The following KDM4C variants were observed in gnomAD, a reference collection of about 807,000 sequenced individuals.
The protein encoded by KDM4C is lysine demethylase 4C.
Under a neutral mutation model 129.3 loss-of-function variants are expected in KDM4C, and 81 were observed. That is an observed-to-expected ratio of 0.63 (90% CI 0.52 to 0.75). The LOEUF is 0.75. Among genes scored for constraint, KDM4C ranks in the 30% least tolerant of loss-of-function variants. The pLI, the probability that KDM4C is intolerant of heterozygous loss-of-function variation, is 0.00. For synonymous variants in KDM4C, 573 were observed against 456.1 expected, an observed-to-expected ratio of 1.26 and a Z score of -3.26; for missense variants, 1,457 against 1,304.0, an observed-to-expected ratio of 1.12 and a Z score of -1.81.
At chr9:6,825,127 C>G (rs1043035635) in intron 4 of KDM4C, among the ~76,000 whole-genome samples, 2 of 134,810 alleles carry the variant, frequency 1.5e-5, no homozygotes, top group Non-Finnish European at 3.1e-5. Flanking sequence ...GCCTGGGCAA[C>G]CAGAGTGAAA....
intron 3 of KDM4C, among the ~76,000 whole-genome samples, chr9:6,807,765 G>C (rs1460334924): frequency 7.7e-6 from 1 of 130,428 alleles, no homozygotes; most frequent in African/African-American, 2.7e-5. Flanking sequence ...TCTCCGCCCG[G>C]CAGCCACCCC....
chr9:6,837,298 T>C (rs1383584746), intron 4 of KDM4C, among the ~76,000 whole-genome samples: 1 of 152,208 alleles, frequency 6.6e-6, no homozygotes, highest in Non-Finnish European at 1.5e-5. Context: ...ACTCAAGTGA[T>C]CGCCTGCCTC....
rs536449145 is a variant in KDM4C, at chr9:6,968,346, T to C, written c.922-12579T>C. Among the ~76,000 whole-genome samples, 4 of 152,264 alleles carry C rather than the reference T, an allele frequency of 2.6e-5. No individual in the cohort carries two copies. In the East Asian group the frequency reaches 5.8e-4, roughly 22 times the overall value. On this transcript the variant is annotated intron_variant, in intron 8 of 21. Transcript: ENST00000381309. ...ATTTTTAATAAATGAAGAAATGCCA[T>C]CAATTACTTGCCATTGAGGAAAGGA...
intron 8 of KDM4C, among the ~76,000 whole-genome samples, chr9:6,936,922 G>C (rs1316714421): frequency 6.6e-6 from 1 of 152,194 alleles, no homozygotes; most frequent in Non-Finnish European, 1.5e-5. Context: ...ACTTAGCATT[G>C]AGAAAATATT....
intron 5 of KDM4C, among the ~76,000 whole-genome samples, chr9:6,860,204 GC>G (rs1795826576): frequency 6.6e-6 from 1 of 152,130 alleles, no homozygotes; most frequent in Non-Finnish European, 1.5e-5. Flanking sequence ...GGATGGGGGG[GC>G]GTTTGGAGGT....
chr9:6,867,823 C>T (rs1033981125), intron 5 of KDM4C, among the ~76,000 whole-genome samples: 2 of 152,140 alleles, frequency 1.3e-5, no homozygotes. Context: ...AAGCTTTTAG[C>T]CCCTCCCCTG....
intron 12 of KDM4C, among the ~76,000 whole-genome samples, chr9:6,994,352 G>A (rs148412638): frequency 5.3e-5 from 8 of 152,194 alleles, no homozygotes; most frequent in Admixed American, 2.0e-4. Flanking sequence ...TGCCCAGGCT[G>A]TTACATTATG....
intron 1 of KDM4C, among the ~76,000 whole-genome samples, chr9:6,744,610 G>C (rs1588056504): frequency 6.6e-6 from 1 of 152,148 alleles, no homozygotes; most frequent in Admixed American, 6.6e-5. Context: ...TGGTCAGATT[G>C]GTCTTGAATT....
intron 17 of KDM4C, among the ~76,000 whole-genome samples, chr9:7,079,015 C>G (rs75040219): frequency 0.037 from 5,574 of 152,198 alleles, 312 homozygotes; most frequent in African/African-American, 0.13. Flanking sequence ...ATTTCAGACT[C>G]CCAGAAGAAA....
intron 17 of KDM4C, among the ~76,000 whole-genome samples, chr9:7,063,300 C>G (rs1831970093): frequency 6.6e-6 from 1 of 152,132 alleles, no homozygotes; most frequent in South Asian, 2.1e-4. Flanking sequence ...TTTGCTGTCT[C>G]AACATTTTGA....
intron 19 of KDM4C, among the ~76,000 whole-genome samples, 200 bp downstream of exon 19, chr9:7,128,436 C>G (rs557338881): frequency 1.9e-4 from 29 of 149,640 alleles, no homozygotes; most frequent in Non-Finnish European, 2.6e-4. Flanking sequence ...GTTATTTGGC[C>G]AAGAAATAAG....
At chr9:6,945,738 T>G (rs975862014) in intron 8 of KDM4C, among the ~76,000 whole-genome samples, 1 of 152,200 alleles carries the variant, frequency 6.6e-6, no homozygotes, top group Admixed American at 6.5e-5. Flanking sequence ...GCTTTTAATC[T>G]AAGGTACTTA....
intron 12 of KDM4C, among the ~76,000 whole-genome samples, chr9:7,000,052 T>C (rs1275728275): frequency 6.6e-6 from 1 of 152,218 alleles, no homozygotes; most frequent in Non-Finnish European, 1.5e-5. Flanking sequence ...TCACAGCCAG[T>C]GTTTTCCTGC....
intron 17 of KDM4C, among the ~76,000 whole-genome samples, chr9:7,066,911 A>G (rs947199443): frequency 6.6e-6 from 1 of 152,216 alleles, no homozygotes; most frequent in Non-Finnish European, 1.5e-5. Context: ...ATTCATAAAT[A>G]TTTTTTGTAT....
At chr9:6,939,813 T>G (rs1241748664) in intron 8 of KDM4C, among the ~76,000 whole-genome samples, 6 of 152,250 alleles carry the variant, frequency 3.9e-5, no homozygotes, top group African/African-American at 1.4e-4. Context: ...CGTCCCTCTC[T>G]TGGCATTTAT....
chr9:6,790,129 G>A (rs1826250113), intron 1 of KDM4C, among the ~76,000 whole-genome samples: 1 of 150,366 alleles, frequency 6.7e-6, no homozygotes, highest in South Asian at 2.1e-4. Flanking sequence ...AAATTGGCCG[G>A]GTGTGGTGGT....
At chr9:6,774,873 T>G (rs929762814) in intron 1 of KDM4C, among the ~76,000 whole-genome samples, 1 of 152,208 alleles carries the variant, frequency 6.6e-6, no homozygotes, top group Non-Finnish European at 1.5e-5. Context: ...CTGATTTTTG[T>G]GTTCCATATG....
chr9:7,142,264 C>T (rs557713467), intron 19 of KDM4C, among the ~76,000 whole-genome samples: 5 of 152,146 alleles, frequency 3.3e-5, no homozygotes, highest in Non-Finnish European at 5.9e-5. Flanking sequence ...TGCTCTACCC[C>T]GGAACTTTTA....
At position 7,077,054 on chromosome 9, in the gene KDM4C, T is replaced by C. The variant is rs1394292110; in HGVS notation, c.2425-26631T>C. On this transcript the variant is annotated intron_variant, in intron 17 of 21. Coordinates refer to ENST00000381309, the MANE Select transcript of KDM4C (RefSeq NM_015061.6). ...CACAACAAAGCAACTGAACGTATTT[T>C]GAGTTTAGGTGAAAACTATCACTCA... is the stretch of plus-strand genomic sequence containing the variant. 4.1e-6 allele frequency: 4 copies of C among 985,398 alleles called. No individual in the cohort carries two copies. In the African/African-American group the frequency reaches 7.0e-5, roughly 17 times the overall value. 61.0% of individuals were successfully genotyped at this position (985,398 alleles called of 1,614,324 possible).
Sources: allele counts gnomAD v4.1 joint callset (sites outside exome capture counted in the v4.1 genomes callset), GRCh38; gene constraint gnomAD v4.1.1; transcripts MANE v1.5; gene names NCBI Gene and HGNC (gene_info 2026-07-23, HGNC 2026-07-21).